GPC6: variants seen among roughly 807,000 people sequenced by gnomAD.
GPC6 encodes the protein glypican-6.
Under a neutral mutation model 55.2 loss-of-function variants are expected in GPC6, and 14 were observed. That is an observed-to-expected ratio of 0.25 (90% confidence interval 0.17 to 0.40). The LOEUF is 0.40. GPC6 is among the 10% of genes least tolerant of loss of function. The pLI, the probability that GPC6 is intolerant of heterozygous loss-of-function variation, is 1.00. For synonymous variants in GPC6, 278 were observed against 259.6 expected, an observed-to-expected ratio of 1.07 and a Z score of -0.68; for missense variants, 641 against 708.5, an observed-to-expected ratio of 0.90 and a Z score of 1.08.
At chr13:94,266,160 T>TTTTTGTTTG (rs1555313268) in intron 4 of GPC6, among the ~76,000 whole-genome samples, 65 of 148,186 alleles carry the variant, frequency 4.4e-4, no homozygotes, top group African/African-American at 1.6e-3. Flanking sequence ...TCTTTTTTTT[T>TTTTTGTTTG]TTTGTTTGTT....
At chr13:94,390,479 A>G (rs1404937331) in intron 7 of GPC6, among the ~76,000 whole-genome samples, 5 of 152,188 alleles carry the variant, frequency 3.3e-5, no homozygotes, top group Non-Finnish European at 5.9e-5. Flanking sequence ...GCCTCAGGAA[A>G]CTTACAACCA....
Position 93,583,732 on chromosome 13 carries a change from A to G in GPC6, c.319+38311A>G, listed in dbSNP as rs1049144286. On this transcript the variant is annotated intron_variant, in intron 2 of 8. Transcript: ENST00000377047. ...CGCCTGGCCCCCTCTTTTTAATACT[A>G]TGAATATTCTTGTAGTAGTTAGAAG... 3.3e-5 allele frequency among the ~76,000 whole-genome samples: 5 copies of G among 152,168 alleles called. No homozygotes were observed. The South Asian group carries it at 6.2e-4, about 19-fold the overall frequency.
intron 2 of GPC6, among the ~76,000 whole-genome samples, chr13:93,780,386 C>T (rs924952108): frequency 5.9e-5 from 9 of 152,018 alleles, no homozygotes; most frequent in African/African-American, 2.2e-4. Flanking sequence ...ATTAGCTTAG[C>T]CATCATTGTG....
At chr13:94,105,836 A>G (rs182977595) in intron 4 of GPC6, among the ~76,000 whole-genome samples, 92 of 152,322 alleles carry the variant, frequency 6.0e-4, no homozygotes, top group Non-Finnish European at 9.8e-4. Flanking sequence ...GTCTGGAAAC[A>G]GAAACACAAC....
chr13:93,924,642 C>T (rs961451772), intron 3 of GPC6, among the ~76,000 whole-genome samples: 2 of 150,348 alleles, frequency 1.3e-5, no homozygotes, highest in South Asian at 2.1e-4. Flanking sequence ...TCTTTGACTT[C>T]GGTTAATTGA....
chr13:93,788,518 T>TTTACACACAC (rs1555331545), intron 2 of GPC6, among the ~76,000 whole-genome samples: 3 of 147,930 alleles, frequency 2.0e-5, no homozygotes, highest in Non-Finnish European at 4.5e-5. Flanking sequence ...GTTCACTCTT[T>TTTACACACAC]ACACACACAC....
chr13:93,655,003 A>ATTTTTTTTT (rs3884231), intron 2 of GPC6, among the ~76,000 whole-genome samples: 12 of 104,746 alleles, frequency 1.1e-4, no homozygotes, highest in Admixed American at 2.4e-4. Flanking sequence ...TGCCCGGCTA[A>ATTTTTTTTT]TTTTTTTTTT....
intron 1 of GPC6, among the ~76,000 whole-genome samples, chr13:93,516,949 C>A (rs1399029046): frequency 1.3e-5 from 2 of 152,050 alleles, no homozygotes. Context: ...CCAAAGCTAA[C>A]CAATAGTACA....
intron 1 of GPC6, among the ~76,000 whole-genome samples, chr13:93,543,522 G>C (rs981886870): frequency 1.3e-5 from 2 of 151,976 alleles, no homozygotes; most frequent in African/African-American, 4.8e-5. Context: ...TTGGTATCAG[G>C]ATGATGCTGG....
intron 3 of GPC6, among the ~76,000 whole-genome samples, chr13:93,926,024 G>A (rs1000918291): frequency 4.6e-5 from 7 of 152,324 alleles, no homozygotes; most frequent in Admixed American, 4.6e-4. Context: ...TTCACAGCAT[G>A]TAGATATCAG....
chr13:93,693,260 C>T (rs1048055190), intron 2 of GPC6, among the ~76,000 whole-genome samples: 2 of 151,930 alleles, frequency 1.3e-5, no homozygotes, highest in African/African-American at 4.8e-5. Flanking sequence ...ACATAAATAA[C>T]AATCAAGGTA....
At chr13:94,334,080 G>A (rs955281934) in intron 6 of GPC6, among the ~76,000 whole-genome samples, 5 of 152,168 alleles carry the variant, frequency 3.3e-5, no homozygotes, top group African/African-American at 7.2e-5. Context: ...ATTGAAACTT[G>A]GAAGGTATAG....
At chr13:93,778,888 G>A (rs1885549422) in intron 2 of GPC6, among the ~76,000 whole-genome samples, 1 of 152,138 alleles carries the variant, frequency 6.6e-6, no homozygotes, top group African/African-American at 2.4e-5. Context: ...TTATGGCCAT[G>A]TTTTGCTTCC....
chr13:93,600,969 A>C (rs1042090617), intron 2 of GPC6, among the ~76,000 whole-genome samples: 9 of 149,454 alleles, frequency 6.0e-5, no homozygotes, highest in Non-Finnish European at 1.3e-4. Context: ...AAAAAAAAGA[A>C]AAAAAAAAAA....
At chr13:93,967,530 G>A (rs1183640074) in intron 3 of GPC6, among the ~76,000 whole-genome samples, 1 of 152,196 alleles carries the variant, frequency 6.6e-6, no homozygotes, top group East Asian at 1.9e-4. Context: ...TCAAGCACAA[G>A]TAGAAACTCA....
intron 6 of GPC6, among the ~76,000 whole-genome samples, chr13:94,324,239 G>A (rs560078318): frequency 6.6e-6 from 1 of 151,058 alleles, no homozygotes; most frequent in East Asian, 2.0e-4. Flanking sequence ...GGCCTCTCCA[G>A]TGACTGATTT....
At chr13:93,593,294 T>G (rs959145462) in intron 2 of GPC6, among the ~76,000 whole-genome samples, 1 of 152,090 alleles carries the variant, frequency 6.6e-6, no homozygotes, top group Non-Finnish European at 1.5e-5. Flanking sequence ...CTGAAACAAA[T>G]AAGTTTAAAA....
chr13:93,533,586 A>G (rs1427991139), intron 1 of GPC6, among the ~76,000 whole-genome samples: 2 of 152,130 alleles, frequency 1.3e-5, no homozygotes, highest in African/African-American at 2.4e-5. Flanking sequence ...CCTCTGATCA[A>G]TTGGAATTTG....
intron 1 of GPC6, among the ~76,000 whole-genome samples, chr13:93,262,744 G>GTACAA (rs1340072031): frequency 1.3e-5 from 2 of 152,072 alleles, no homozygotes; most frequent in African/African-American, 4.8e-5. Context: ...TTATTCCACT[G>GTACAA]TACAAATATA....
Sources: allele counts gnomAD v4.1 joint callset (sites outside exome capture counted in the v4.1 genomes callset), GRCh38; gene constraint gnomAD v4.1.1; transcripts MANE v1.5; gene names NCBI Gene and HGNC (gene_info 2026-07-23, HGNC 2026-07-21).